CRYBG3: variants seen among roughly 807,000 people sequenced by gnomAD.
CRYBG3 encodes very large A-kinase anchor protein.
CRYBG3 carries 127 observed loss-of-function variants against 244.2 expected under a neutral mutation model. The ratio of observed to expected loss-of-function variants is 0.52; its 90% CI spans 0.45 to 0.60. The LOEUF is 0.60. CRYBG3 is among the 20% of genes least tolerant of loss of function. The pLI is 0.00. For missense variants in CRYBG3, 3,325 were observed against 3,442.5 expected, an observed-to-expected ratio of 0.97 and a Z score of 0.85; for synonymous variants, 1,132 against 1,195.8, an observed-to-expected ratio of 0.95 and a Z score of 1.10.
intron 2 of CRYBG3, among the ~76,000 whole-genome samples, chr3:97,860,874 T>C (rs1214368009): frequency 6.6e-6 from 1 of 152,100 alleles, no homozygotes; most frequent in Non-Finnish European, 1.5e-5. Flanking sequence ...ACATCGTATA[T>C]TGCCAAACTA....
Position 97,899,309 on chromosome 3 carries a change from T to C in CRYBG3, c.7971+46T>C, listed in dbSNP as rs373461337. On this transcript the variant is annotated intron_variant, in intron 14 of 21. Transcript: ENST00000389622. ...GCCAGTGCTGCATCATGTAATAGTA[T>C]GCAATTAAATATGTGGAAAACACTT... 2 of 1,567,304 alleles carry C rather than the reference T, an allele frequency of 1.3e-6. 1 individual carries two copies. Among genetic ancestry groups the C allele is most frequent in the Non-Finnish European group, 1.7e-6 (2 of 1,158,336 alleles).
intron 1 of CRYBG3, among the ~76,000 whole-genome samples, chr3:97,832,584 A>G (rs559604441): frequency 1.3e-5 from 2 of 152,306 alleles, no homozygotes; most frequent in South Asian, 4.1e-4. Context: ...TGGATTAAAG[A>G]CTTAAATGTA....
intron 7 of CRYBG3, among the ~76,000 whole-genome samples, chr3:97,884,916 A>C (rs2039490138): frequency 6.6e-6 from 1 of 152,116 alleles, no homozygotes; most frequent in South Asian, 2.1e-4. Flanking sequence ...TCCCTTTTAG[A>C]GTACACCACC....
intron 17 of CRYBG3, among the ~76,000 whole-genome samples, chr3:97,916,590 TACACA>T (rs2039931659): frequency 6.6e-6 from 1 of 152,176 alleles, no homozygotes; most frequent in South Asian, 2.1e-4. Context: ...GCTTCAGTTT[TACACA>T]GAGCTGATTA....
chr3:97,892,055 G>A (rs561802371), intron 10 of CRYBG3, among the ~76,000 whole-genome samples: 5 of 152,208 alleles, frequency 3.3e-5, no homozygotes, highest in Middle Eastern at 3.4e-3. Flanking sequence ...CTTTGATTGC[G>A]CTGTGTTTTC....
chr3:97,869,424 T>C (rs750676622), intron 3 of CRYBG3, among the ~76,000 whole-genome samples: 1 of 152,198 alleles, frequency 6.6e-6, no homozygotes, highest in African/African-American at 2.4e-5. Flanking sequence ...AAGATTCATA[T>C]GTAAGAACAG....
chr3:97,896,869 T>C lies in CRYBG3; in HGVS notation c.7701+784T>C, dbSNP rs138859024. Among the ~76,000 whole-genome samples the C allele has an allele frequency of 6.6e-5, 10 of 152,206 alleles. 1 individual carries two copies. The highest frequency in any genetic ancestry group is 2.2e-4 in the African/African-American group (9 of 41,530). ...TGAGATTGAGAAACCCTCCTGTAAG[T>C]GAAATTTTGCCATGTTTAGGGAAAT... On this transcript the variant is annotated intron_variant, in intron 12 of 21. Coordinates refer to ENST00000389622, the MANE Select transcript of CRYBG3 (RefSeq NM_153605.4).
chr3:97,860,099 T>G (rs561111939), intron 2 of CRYBG3, among the ~76,000 whole-genome samples: 2 of 152,218 alleles, frequency 1.3e-5, no homozygotes, highest in South Asian at 4.1e-4. Flanking sequence ...CTATTCCTAT[T>G]TCCTTGTTAG....
intron 1 of CRYBG3, among the ~76,000 whole-genome samples, chr3:97,831,646 G>C (rs2038655044): frequency 1.3e-5 from 2 of 152,106 alleles, no homozygotes; most frequent in Admixed American, 1.3e-4. Context: ...AATGTGTAAT[G>C]ATCAAATCAG....
intron 1 of CRYBG3, among the ~76,000 whole-genome samples, chr3:97,837,235 AT>A (rs2038747267): frequency 6.6e-6 from 1 of 152,086 alleles, no homozygotes; most frequent in Admixed American, 6.6e-5. Context: ...CTGGGGTATT[AT>A]TTGATCACAT....
Position 97,942,099 on chromosome 3 carries a change from CCTA to C in CRYBG3, c.8665-183_8665-181del, listed in dbSNP as rs140792387. The C allele has an allele frequency of 1.9e-3, 792 of 417,648 alleles. 13 individuals are homozygous for C. The East Asian group carries it at 0.026, about 13-fold the overall frequency. 25.9% of individuals were successfully genotyped at this position (417,648 alleles called of 1,614,324 possible). ...CAGTTGGTTTATTTCTGTACCATCT[CCTA>C]CCCACAGCCGTAAAGAAGACATTAA... On this transcript the variant is annotated intron_variant, in intron 20 of 21. Coordinates refer to ENST00000389622, the MANE Select transcript of CRYBG3 (RefSeq NM_153605.4).
At position 97,874,381 on chromosome 3, in the gene CRYBG3, T is replaced by G; in HGVS notation, c.3187T>G (p.Ser1063Ala). Residue 1063 changes from serine (S) to alanine (A), a missense_variant, in exon 4 of 22, where the codon TCC becomes GCC. Ser to Ala is a moderately conservative substitution (Grantham distance 99). This residue lies in a region of CRYBG3 where 1,526 missense variants were observed against 1,443.2 expected (regional missense o/e 1.06). Coordinates refer to ENST00000389622, the MANE Select transcript of CRYBG3 (RefSeq NM_153605.4). ...TGGTGGTATTGATAGTGTGTCATCTTCCTCTAGTTACCCTGAAGAAGTTAG... is the reference window on the plus strand; with the variant it reads ...TGGTGGTATTGATAGTGTGTCATCTGCCTCTAGTTACCCTGAAGAAGTTAG... ...LNGGIDSVSS[S>A]SSYPEEVSMI... The G allele has an allele frequency of 2.0e-6, 3 of 1,532,036 alleles. No homozygotes were observed. Among genetic ancestry groups the G allele is most frequent in the Non-Finnish European group, 2.6e-6 (3 of 1,145,748 alleles). 94.9% of individuals were successfully genotyped at this position (1,532,036 alleles called of 1,614,324 possible). A position where few individuals can be genotyped will look rare whatever the true frequency, so the allele number is the denominator to read the frequency against.
Position 97,877,327 on chromosome 3 carries a change from A to G in CRYBG3, c.6133A>G (p.Arg2045Gly). ...TCTGGCATGTGAAAGGTCTGAGAGT[A>G]GAACTGACCTTGTCCATCACTTTGA... ...PVLACERSES[R>G]TDLVHHFEKG... The change falls in exon 4 of 22, where the codon AGA (arginine) becomes GGA (glycine). Residue 2045 changes from arginine (R) to glycine (G), a missense_variant. Arg to Gly is a moderately radical substitution (Grantham distance 125). Coordinates refer to ENST00000389622, the MANE Select transcript of CRYBG3 (RefSeq NM_153605.4). 1.9e-6 allele frequency: 3 copies of G among 1,613,916 alleles called. No homozygotes were observed. The highest frequency in any genetic ancestry group is 2.5e-6 in the Non-Finnish European group (3 of 1,179,766).
At chr3:97,933,398 T>A (rs1676089297) in intron 17 of CRYBG3, 8 of 416,882 alleles carry the variant, frequency 1.9e-5, no homozygotes, top group South Asian at 1.7e-4. Flanking sequence ...CATATTACAG[T>A]ACCACAAGAC....
chr3:97,864,042 G>A lies in CRYBG3; in HGVS notation c.217-175G>A, dbSNP rs115361474. On this transcript the variant is annotated intron_variant, in intron 2 of 21. Coordinates refer to ENST00000389622, the MANE Select transcript of CRYBG3 (RefSeq NM_153605.4). ...GACATTTACCGTATAGCTTTTTAAA[G>A]GTCATGCTTACTGTGCTCTTCAGTA... is the stretch of plus-strand genomic sequence containing the variant. Among the ~76,000 whole-genome samples, 1,193 of 152,216 alleles carry A rather than the reference G, an allele frequency of 7.8e-3. 18 individuals are homozygous for A. Among genetic ancestry groups the A allele is most frequent in the African/African-American group, 0.026 (1,094 of 41,532 alleles).
intron 1 of CRYBG3, among the ~76,000 whole-genome samples, chr3:97,829,669 G>T (rs2038627940): frequency 6.6e-6 from 1 of 152,140 alleles, no homozygotes. Flanking sequence ...TGATTTGAAA[G>T]CTTCACCTGT....
chr3:97,875,013 C>G lies in CRYBG3; in HGVS notation c.3819C>G (p.Val1273=). The G allele has an allele frequency of 6.5e-7, 1 of 1,535,810 alleles. No individual in the cohort carries two copies. Among genetic ancestry groups the G allele is most frequent in the East Asian group, 2.4e-5 (1 of 40,916 alleles). The change falls in exon 4 of 22, where the codon GTC becomes GTG. Residue 1273 remains valine (V), a synonymous_variant. Coordinates refer to ENST00000389622, the MANE Select transcript of CRYBG3 (RefSeq NM_153605.4). ...EEQGMENMSE[V]KEKPCVSPTV... ...AAGGCATGGAAAACATGTCAGAAGT[C>G]AAAGAGAAGCCCTGTGTTTCACCAA...
Position 97,826,953 on chromosome 3 carries a change from T to C in CRYBG3, c.149+4598T>C, listed in dbSNP as rs374565954. Reference sequence around the variant, plus strand: ...GAACTTTAACTGGGCTTTCAAAATATGTTCTCACATTATTAACTTTTCTCC... The same window carrying C: ...GAACTTTAACTGGGCTTTCAAAATACGTTCTCACATTATTAACTTTTCTCC... On this transcript the variant is annotated intron_variant, in intron 1 of 21. Transcript: ENST00000389622. Among the ~76,000 whole-genome samples the C allele has an allele frequency of 3.9e-5, 6 of 152,246 alleles. No individual in the cohort carries two copies. The South Asian group carries it at 1.2e-3, about 31-fold the overall frequency.
At chr3:97,910,182 A>T (rs550487821) in intron 15 of CRYBG3, among the ~76,000 whole-genome samples, 146 of 151,068 alleles carry the variant, frequency 9.7e-4, no homozygotes, top group African/African-American at 3.4e-3. Flanking sequence ...AAGTCTGCAG[A>T]GGTTACTGCT....
Sources: allele counts gnomAD v4.1 joint callset (sites outside exome capture counted in the v4.1 genomes callset), GRCh38; gene constraint gnomAD v4.1.1; regional missense constraint gnomAD v4.1.1; transcripts MANE v1.5; gene names NCBI Gene and HGNC (gene_info 2026-07-23, HGNC 2026-07-21).